The following ZFHX3 variants were observed in gnomAD, a reference collection of about 807,000 sequenced individuals.
ZFHX3 encodes zinc finger homeobox protein 3.
ZFHX3 carries 42 observed loss-of-function variants against 279.1 expected under a neutral mutation model. That is an observed-to-expected ratio of 0.15 (90% CI 0.12 to 0.19). The LOEUF is 0.19. Among genes scored for constraint, ZFHX3 ranks in the 10% least tolerant of loss-of-function variants. ZFHX3 has a pLI of 1.00. For synonymous variants in ZFHX3, 2,293 were observed against 1,957.8 expected, an observed-to-expected ratio of 1.17 and a Z score of -4.52; for missense variants, 4,981 against 4,754.0, an observed-to-expected ratio of 1.05 and a Z score of -1.40.
At chr16:73,425,240 T>C (rs979360740) in intron 3 of ZFHX3, among the ~76,000 whole-genome samples, 3 of 152,200 alleles carry the variant, frequency 2.0e-5, no homozygotes, top group African/African-American at 7.2e-5. Flanking sequence ...TCTATCTCTT[T>C]GGTTATCTCT....
intron 1 of ZFHX3, among the ~76,000 whole-genome samples, chr16:73,879,153 T>C (rs1230496386): frequency 1.3e-5 from 2 of 151,696 alleles, no homozygotes; most frequent in South Asian, 4.1e-4. Context: ...GGTCCTTTTC[T>C]GCAATCTCTA....
At chr16:73,417,413 T>TC (rs1463343745) in intron 3 of ZFHX3, among the ~76,000 whole-genome samples, 2 of 149,550 alleles carry the variant, frequency 1.3e-5, no homozygotes, top group Non-Finnish European at 3.0e-5. Context: ...TTTTTTTTTT[T>TC]TGGAGACAGG....
chr16:73,325,374 G>A (rs1318144671), intron 3 of ZFHX3, among the ~76,000 whole-genome samples: 2 of 152,160 alleles, frequency 1.3e-5, no homozygotes, highest in South Asian at 4.1e-4. Context: ...CAGATGTGTG[G>A]GTAAATAGCT....
intron 1 of ZFHX3, among the ~76,000 whole-genome samples, chr16:73,822,833 T>C (rs1022126254): frequency 6.6e-6 from 1 of 152,256 alleles, no homozygotes; most frequent in Non-Finnish European, 1.5e-5. Context: ...TAATTTGTAT[T>C]CCTTAAATAA....
At chr16:73,099,473 G>C (rs1966204412) in intron 7 of ZFHX3, 1 of 152,234 alleles carries the variant, frequency 6.6e-6, no homozygotes, top group Non-Finnish European at 1.5e-5. Flanking sequence ...CACTTTGGGA[G>C]GCTGAGGCAG....
chr16:73,684,953 C>G (rs2053065020), intron 1 of ZFHX3, among the ~76,000 whole-genome samples: 1 of 152,050 alleles, frequency 6.6e-6, no homozygotes, highest in Admixed American at 6.6e-5. Context: ...CCCACCTCAG[C>G]CTCCCAAAGT....
chr16:73,115,377 CAAA>C (rs10685277), intron 7 of ZFHX3, among the ~76,000 whole-genome samples: 1 of 80,722 alleles, frequency 1.2e-5, no homozygotes. Context: ...CCTATCTCTA[CAAA>C]AAAAAAAAAA....
At chr16:72,994,486 T>TA (rs1445990908) in intron 1 of ZFHX3, among the ~76,000 whole-genome samples, 5 of 152,304 alleles carry the variant, frequency 3.3e-5, no homozygotes, top group African/African-American at 7.2e-5. Flanking sequence ...CAATGGGACT[T>TA]AGAGTGCATT....
chr16:73,548,170 A>G (rs2020150988), intron 2 of ZFHX3, among the ~76,000 whole-genome samples: 1 of 152,234 alleles, frequency 6.6e-6, no homozygotes, highest in Non-Finnish European at 1.5e-5. Context: ...ATATAGCCAG[A>G]GGAAAAGATC....
chr16:73,665,300 A>G (rs563625212), intron 2 of ZFHX3, among the ~76,000 whole-genome samples: 58 of 145,606 alleles, frequency 4.0e-4, no homozygotes, highest in African/African-American at 1.5e-3. Context: ...TGCAACCTCC[A>G]CCTCCCAGGT....
At chr16:73,187,918 G>C (rs904985307) in intron 5 of ZFHX3, among the ~76,000 whole-genome samples, 8 of 151,656 alleles carry the variant, frequency 5.3e-5, no homozygotes, top group African/African-American at 1.9e-4. Context: ...GAGTGCAATG[G>C]CGTGATCTCG....
intron 3 of ZFHX3, among the ~76,000 whole-genome samples, chr16:73,348,380 C>T (rs1277575507): frequency 6.6e-6 from 1 of 152,194 alleles, no homozygotes; most frequent in Non-Finnish European, 1.5e-5. Flanking sequence ...GGTCCTTCAC[C>T]TTTGGGGTGG....
chr16:73,529,528 CT>C (rs149122491), intron 2 of ZFHX3, among the ~76,000 whole-genome samples: 2,344 of 152,250 alleles, frequency 0.015, 49 homozygotes, highest in African/African-American at 0.053. Context: ...CAAAGACCTG[CT>C]TGGCTCCTGC....
chr16:73,847,254 C>T (rs939302875), intron 1 of ZFHX3, among the ~76,000 whole-genome samples: 4 of 152,164 alleles, frequency 2.6e-5, no homozygotes, highest in African/African-American at 9.7e-5. Flanking sequence ...TGAACTGAGA[C>T]TGCCCCATTG....
At chr16:73,609,607 C>G (rs754010285) in intron 2 of ZFHX3, 8 of 150,070 alleles carry the variant, frequency 5.3e-5, no homozygotes, top group Non-Finnish European at 1.0e-4. Context: ...CACTGGGGGA[C>G]GACTTAGCAG....
chr16:73,645,318 A>G (rs2052608518), intron 2 of ZFHX3, among the ~76,000 whole-genome samples: 1 of 152,182 alleles, frequency 6.6e-6, no homozygotes, highest in South Asian at 2.1e-4. Flanking sequence ...TGCAAGTGGC[A>G]TGATCTCGGC....
intron 1 of ZFHX3, among the ~76,000 whole-genome samples, chr16:73,821,767 A>T (rs1325202005): frequency 6.6e-6 from 1 of 152,240 alleles, no homozygotes; most frequent in Admixed American, 6.5e-5. Flanking sequence ...TACAGCAGAC[A>T]TATGATAGAA....
At chr16:73,042,221 T>C (rs931166718) in intron 1 of ZFHX3, among the ~76,000 whole-genome samples, 38 of 152,112 alleles carry the variant, frequency 2.5e-4, no homozygotes, top group Non-Finnish European at 4.4e-4. Context: ...AGATCAACTA[T>C]CAGATTAAGC....
chr16:73,838,265 A>C (rs115815789), intron 1 of ZFHX3, among the ~76,000 whole-genome samples: 2,749 of 152,344 alleles, frequency 0.018, 88 homozygotes, highest in African/African-American at 0.062. Context: ...TGTAGCCAAC[A>C]TATACCTTAA....
Sources: allele counts gnomAD v4.1 joint callset (sites outside exome capture counted in the v4.1 genomes callset), GRCh38; gene constraint gnomAD v4.1.1; transcripts MANE v1.5; gene names NCBI Gene and HGNC (gene_info 2026-07-23, HGNC 2026-07-21).